Variants in NDST3 observed in about 807,000 individuals in gnomAD.
The protein encoded by NDST3 is bifunctional heparan sulfate N-deacetylase/N-sulfotransferase 3.
Under a neutral mutation model 96.1 loss-of-function variants are expected in NDST3, and 58 were observed. The ratio of observed to expected loss-of-function variants is 0.60; its 90% CI spans 0.49 to 0.75. The LOEUF (loss-of-function observed/expected upper bound fraction) is 0.75, where lower values mean the gene tolerates loss of function less well. NDST3 is among the 30% of genes least tolerant of loss of function. The pLI is 0.00. For missense variants in NDST3, 788 were observed against 1,034.2 expected, an observed-to-expected ratio of 0.76 and a Z score of 3.27; for synonymous variants, 333 against 359.7, an observed-to-expected ratio of 0.93 and a Z score of 0.84.
rs112464566 is a variant in NDST3 at position 118,247,782 on chromosome 4, A to G, written c.2399+5633A>G. On this transcript the variant is annotated intron_variant, in intron 12 of 13. Transcript: ENST00000296499. ...TAAAAAAGTTGTTAAAATAAAATGC[A>G]TATCAGTAAAATGATTCCTTAAATC... Among the ~76,000 whole-genome samples, 254 of 152,342 alleles carry G rather than the reference A, an allele frequency of 1.7e-3. 2 individuals carry two copies. The highest frequency in any genetic ancestry group is 5.5e-3 in the African/African-American group (228 of 41,590).
At chr4:118,089,929 A>G (rs1280301829) in intron 2 of NDST3, among the ~76,000 whole-genome samples, 1 of 151,970 alleles carries the variant, frequency 6.6e-6, no homozygotes, top group African/African-American at 2.4e-5. Context: ...AGCTTACTCC[A>G]TCATGGAGAT....
chr4:118,234,966 G>T (rs985450387), intron 9 of NDST3, among the ~76,000 whole-genome samples: 7 of 151,272 alleles, frequency 4.6e-5, no homozygotes, highest in Non-Finnish European at 8.8e-5. Flanking sequence ...GGAGGCAGAG[G>T]TTGCAATGAG....
intron 6 of NDST3, among the ~76,000 whole-genome samples, chr4:118,197,731 C>A (rs1737786832): frequency 6.7e-6 from 1 of 149,566 alleles, no homozygotes; most frequent in African/African-American, 2.5e-5. Flanking sequence ...GGCAACAGAT[C>A]ATTGGGTCTC....
chr4:118,044,876 A>T (rs1578527851), intron 1 of NDST3, among the ~76,000 whole-genome samples: 2 of 152,126 alleles, frequency 1.3e-5, no homozygotes, highest in East Asian at 3.9e-4. Flanking sequence ...TGAGATAAGT[A>T]ACCTGCTCCC....
At chr4:118,038,641 ATTAC>A (rs1413172907) in intron 1 of NDST3, among the ~76,000 whole-genome samples, 2 of 152,168 alleles carry the variant, frequency 1.3e-5, no homozygotes, top group African/African-American at 4.8e-5. Context: ...TTATTACTAA[ATTAC>A]TTTTAGCAAG....
chr4:118,089,781 G>T (rs1479429562), intron 2 of NDST3, among the ~76,000 whole-genome samples: 1 of 151,970 alleles, frequency 6.6e-6, no homozygotes, highest in Admixed American at 6.6e-5. Flanking sequence ...CATATTTAGA[G>T]TGAGAAGGGC....
intron 3 of NDST3, among the ~76,000 whole-genome samples, chr4:118,106,196 T>C (rs961907306): frequency 1.3e-5 from 2 of 152,184 alleles, no homozygotes; most frequent in Non-Finnish European, 2.9e-5. Context: ...CCAAGTACTT[T>C]CTCCTGCTGT....
intron 12 of NDST3, among the ~76,000 whole-genome samples, chr4:118,246,270 C>T (rs1741302084): frequency 1.3e-5 from 2 of 152,152 alleles, no homozygotes; most frequent in Admixed American, 6.5e-5. Flanking sequence ...TCCATTCTCA[C>T]GCTGCTATGA....
chr4:118,169,174 T>C (rs1041190546), intron 6 of NDST3, among the ~76,000 whole-genome samples: 3 of 152,216 alleles, frequency 2.0e-5, no homozygotes, highest in African/African-American at 7.2e-5. Flanking sequence ...TATCTTTTTG[T>C]ATTCTTAATC....
chr4:118,195,212 C>A (rs1197054743), intron 6 of NDST3, among the ~76,000 whole-genome samples: 1 of 152,068 alleles, frequency 6.6e-6, no homozygotes, highest in African/African-American at 2.4e-5. Flanking sequence ...TTGTAGAGAT[C>A]ATTTCTTTGG....
intron 6 of NDST3, among the ~76,000 whole-genome samples, chr4:118,186,349 G>A (rs1387781623): frequency 6.6e-6 from 1 of 152,144 alleles, no homozygotes; most frequent in Admixed American, 6.5e-5. Flanking sequence ...TAATAAGATA[G>A]ATGCATATAA....
At chr4:118,134,315 G>A (rs1936795307) in intron 4 of NDST3, among the ~76,000 whole-genome samples, 1 of 152,216 alleles carries the variant, frequency 6.6e-6, no homozygotes, top group African/African-American at 2.4e-5. Context: ...ATCATGCTAA[G>A]AATTTTGTAA....
intron 1 of NDST3, among the ~76,000 whole-genome samples, chr4:118,047,894 T>C (rs1465919121): frequency 6.6e-6 from 1 of 152,094 alleles, no homozygotes; most frequent in Non-Finnish European, 1.5e-5. Context: ...CTGCATACTA[T>C]ATGAGATAAC....
chr4:118,128,284 C>A (rs972153400), intron 4 of NDST3, among the ~76,000 whole-genome samples: 4 of 151,976 alleles, frequency 2.6e-5, no homozygotes, highest in Non-Finnish European at 4.4e-5. Flanking sequence ...GAAAGCCTTT[C>A]AGTTTTTCCC....
At chr4:118,237,765 A>G (rs923511357) in intron 10 of NDST3, among the ~76,000 whole-genome samples, 1 of 152,208 alleles carries the variant, frequency 6.6e-6, no homozygotes, top group Non-Finnish European at 1.5e-5. Context: ...AAAACAGCTT[A>G]AATAGCTACT....
intron 6 of NDST3, among the ~76,000 whole-genome samples, chr4:118,202,952 T>C (rs1464689763): frequency 6.6e-6 from 1 of 152,238 alleles, no homozygotes; most frequent in Non-Finnish European, 1.5e-5. Context: ...TGTGGGTTTG[T>C]CATAGATGGC....
chr4:118,127,784 T>G (rs897003346), intron 4 of NDST3, among the ~76,000 whole-genome samples: 6 of 152,112 alleles, frequency 3.9e-5, no homozygotes, highest in Non-Finnish European at 8.8e-5. Flanking sequence ...CTTTGTTTAG[T>G]ATGGACATTT....
At chr4:118,113,008 C>T (rs1239419903) in intron 3 of NDST3, among the ~76,000 whole-genome samples, 6 of 151,918 alleles carry the variant, frequency 3.9e-5, no homozygotes, top group Admixed American at 3.9e-4. Context: ...GAAAAAAAAA[C>T]TCAAGGAGCC....
intron 4 of NDST3, among the ~76,000 whole-genome samples, chr4:118,136,024 T>C (rs1313495131): frequency 6.6e-6 from 1 of 152,256 alleles, no homozygotes; most frequent in African/African-American, 2.4e-5. Context: ...CATCCTTTCA[T>C]GCCATGTGGG....
Sources: gnomAD v4.1 joint callset for allele counts (sites outside exome capture counted in the v4.1 genomes callset) on GRCh38, gnomAD v4.1.1 for gene constraint, MANE v1.5 for transcripts, NCBI Gene and HGNC (gene_info 2026-07-23, HGNC 2026-07-21) for gene names.